The following NCOA2 variants were observed in gnomAD, a reference collection of about 807,000 sequenced individuals.
NCOA2 encodes the protein class E basic helix-loop-helix protein 75.
NCOA2 carries 21 observed loss-of-function variants against 145.1 expected under a neutral mutation model. The observed-to-expected ratio is 0.14, with a 90% CI of 0.10 to 0.21. The LOEUF (loss-of-function observed/expected upper bound fraction) is 0.21, where lower values mean the gene tolerates loss of function less well. NCOA2 is among the 10% of genes least tolerant of loss of function. The pLI is 1.00. For missense variants in NCOA2, 1,472 were observed against 1,837.6 expected, an observed-to-expected ratio of 0.80 and a Z score of 3.64; for synonymous variants, 619 against 637.5, an observed-to-expected ratio of 0.97 and a Z score of 0.44.
intron 7 of NCOA2, among the ~76,000 whole-genome samples, chr8:70,165,523 T>C (rs1813510669): frequency 6.6e-6 from 1 of 152,198 alleles, no homozygotes; most frequent in Admixed American, 6.5e-5. Context: ...GCTCTTTCCC[T>C]TCTGCTCCCC....
intron 1 of NCOA2, among the ~76,000 whole-genome samples, chr8:70,353,083 T>A (rs746486308): frequency 6.6e-6 from 1 of 152,144 alleles, no homozygotes. Context: ...AAACTATTAA[T>A]GCAAACTCAA....
At chr8:70,401,304 A>T (rs1159460078) in intron 1 of NCOA2, among the ~76,000 whole-genome samples, 3 of 152,240 alleles carry the variant, frequency 2.0e-5, no homozygotes, top group African/African-American at 7.2e-5. Context: ...TGTATAAACC[A>T]GAAAAGTACC....
At chr8:70,320,265 T>C (rs1389126562) in intron 1 of NCOA2, among the ~76,000 whole-genome samples, 1 of 152,088 alleles carries the variant, frequency 6.6e-6, no homozygotes, top group African/African-American at 2.4e-5. Flanking sequence ...ATGAAGAAAC[T>C]ACATTATGAG....
chr8:70,268,914 T>G (rs1824823585), intron 2 of NCOA2, among the ~76,000 whole-genome samples: 1 of 152,202 alleles, frequency 6.6e-6, no homozygotes, highest in African/African-American at 2.4e-5. Flanking sequence ...TAAACACAAC[T>G]TTCCCAGTTG....
chr8:70,154,624 GA>G (rs1396493818), intron 11 of NCOA2, among the ~76,000 whole-genome samples: 7 of 152,142 alleles, frequency 4.6e-5, no homozygotes. Context: ...GGCTGGTCTT[GA>G]ACTCTTGTCC....
chr8:70,243,627 T>C (rs1371502948), intron 2 of NCOA2, among the ~76,000 whole-genome samples: 3 of 152,022 alleles, frequency 2.0e-5, no homozygotes, highest in East Asian at 1.9e-4. Context: ...AAAGCTCAAA[T>C]AATACAACTT....
At chr8:70,267,392 GTTTTTTTTTTTT>G (rs34028372) in intron 2 of NCOA2, among the ~76,000 whole-genome samples, 2 of 102,496 alleles carry the variant, frequency 2.0e-5, no homozygotes, top group African/African-American at 7.0e-5. Context: ...TTTCCTTTCT[GTTTTTTTTTTTT>G]TTTTTTTTCC....
chr8:70,418,408 A>T, the NCOA2 span, among the ~76,000 whole-genome samples: 2 of 152,170 alleles, frequency 1.3e-5, no homozygotes, highest in Non-Finnish European at 2.9e-5. Flanking sequence ...GCTGTGTAGA[A>T]TGCCATGATG....
At chr8:70,407,322 A>T (rs867756801), upstream of NCOA2, among the ~76,000 whole-genome samples, 8 of 152,192 alleles carry the variant, frequency 5.3e-5, no homozygotes, top group African/African-American at 1.9e-4. Context: ...TATTACATAA[A>T]TTTTTTCCTT....
intron 1 of NCOA2, among the ~76,000 whole-genome samples, chr8:70,371,665 CTGTTGT>C (rs143143280): frequency 6.3e-4 from 96 of 152,098 alleles, no homozygotes; most frequent in African/African-American, 2.2e-3. Context: ...ATCTACAGTT[CTGTTGT>C]TGTTGTTGTT....
intron 1 of NCOA2, among the ~76,000 whole-genome samples, chr8:70,403,351 G>C (rs1814556669): frequency 1.3e-5 from 2 of 150,936 alleles, no homozygotes; most frequent in African/African-American, 4.9e-5. Context: ...CCGCGCCGCG[G>C]GCTGCAGCCT....
chr8:70,211,295 T>C (rs1435954431), intron 4 of NCOA2, among the ~76,000 whole-genome samples: 1 of 151,678 alleles, frequency 6.6e-6, no homozygotes, highest in Non-Finnish European at 1.5e-5. Flanking sequence ...CCCTTCTCTA[T>C]TAAAAATACA....
intron 1 of NCOA2, among the ~76,000 whole-genome samples, chr8:70,337,215 GT>G (rs1343367697): frequency 6.6e-6 from 1 of 152,084 alleles, no homozygotes; most frequent in South Asian, 2.1e-4. Flanking sequence ...GTGTGTGTGT[GT>G]GTGTGTGTGT....
chr8:70,208,251 A>G (rs1818665506), intron 4 of NCOA2, among the ~76,000 whole-genome samples: 2 of 151,376 alleles, frequency 1.3e-5, no homozygotes, highest in Non-Finnish European at 2.9e-5. Context: ...GAGAAGATGC[A>G]GAAGAAAATT....
chr8:70,382,150 A>G (rs1383913197), intron 1 of NCOA2, among the ~76,000 whole-genome samples: 1 of 152,056 alleles, frequency 6.6e-6, no homozygotes, highest in African/African-American at 2.4e-5. Context: ...AAGCTATCGT[A>G]AGGTTAACAG....
intron 1 of NCOA2, among the ~76,000 whole-genome samples, chr8:70,362,836 G>C (rs1052171772): frequency 1.3e-5 from 2 of 152,088 alleles, no homozygotes; most frequent in African/African-American, 2.4e-5. Flanking sequence ...CCAGCACCTT[G>C]GGAGGCCAAG....
intron 7 of NCOA2, among the ~76,000 whole-genome samples, chr8:70,163,997 C>T (rs1813338095): frequency 6.6e-6 from 1 of 152,160 alleles, no homozygotes; most frequent in African/African-American, 2.4e-5. Flanking sequence ...CAAGGGTTTG[C>T]TTCTTGAGTT....
rs1328019458 is a variant in NCOA2 at position 70,121,349 on chromosome 8, G to A, written c.4336C>T (p.Gln1446Ter). The part of the protein sequence containing the change: ...ALRGGNLFPN[Q>*]LPGMDMIKQE... ...TTAATCATATCCATTCCAGGCAGCT[G>A]GTTTGGGAACAGGTTGCCTCCCCTC... Residue 1446 changes from glutamine to a stop codon, truncating the protein, a stop_gained, in exon 22 of 23, where the codon CAG becomes TAG. Transcript: ENST00000452400. LOFTEE classifies it high-confidence loss of function. 1 of 1,613,170 alleles carries A rather than the reference G, an allele frequency of 6.2e-7. No homozygotes were observed. The highest frequency in any genetic ancestry group is 1.1e-5 in the South Asian group (1 of 90,792).
chr8:70,227,334 G>A lies in NCOA2; in HGVS notation c.-19-10570C>T, dbSNP rs150989584. ...AGCATGTTGCATGAAAAAAGTACAGGACCCAAATTTAATAAAGGCTTGTGG... is the reference window on the plus strand; with the variant it reads ...AGCATGTTGCATGAAAAAAGTACAGAACCCAAATTTAATAAAGGCTTGTGG... On this transcript the variant is annotated intron_variant, in intron 2 of 22. Coordinates refer to ENST00000452400, the MANE Select transcript of NCOA2 (RefSeq NM_006540.4). Among the ~76,000 whole-genome samples, 986 of 152,290 alleles carry A rather than the reference G, an allele frequency of 6.5e-3. 18 individuals carry two copies. The highest frequency in any genetic ancestry group is 7.2e-3 in the Non-Finnish European group (491 of 68,028).
Sources: gnomAD v4.1 joint callset for allele counts (sites outside exome capture counted in the v4.1 genomes callset) on GRCh38, gnomAD v4.1.1 for gene constraint, MANE v1.5 for transcripts, NCBI Gene and HGNC (gene_info 2026-07-23, HGNC 2026-07-21) for gene names.